The following ABCA4 variants were observed in gnomAD, a reference collection of about 807,000 sequenced individuals.
ABCA4 encodes ATP binding cassette subfamily A member 4.
ABCA4 carries 196 observed loss-of-function variants against 263.7 expected under a neutral mutation model. That is an observed-to-expected ratio of 0.74 (90% confidence interval 0.66 to 0.84). The LOEUF (loss-of-function observed/expected upper bound fraction) is 0.84, where lower values mean the gene tolerates loss of function less well. Among genes scored for constraint, ABCA4 ranks in the 40% least tolerant of loss-of-function variants. The pLI is 0.00. For missense variants in ABCA4, 2,792 were observed against 2,855.1 expected (o/e 0.98, Z 0.50); for synonymous variants, 1,133 against 1,094.2 (o/e 1.04, Z -0.70).
chr1:94,034,503 G>A (rs757720428), intron 26 of ABCA4, among the ~76,000 whole-genome samples: 2 of 151,876 alleles, frequency 1.3e-5, no homozygotes, highest in African/African-American at 2.4e-5. Context: ...TCCATGCCAC[G>A]CATTGTGTGA....
At chr1:94,028,255 G>A (rs1660090204) in intron 30 of ABCA4, among the ~76,000 whole-genome samples, 1 of 152,116 alleles carries the variant, frequency 6.6e-6, no homozygotes, top group South Asian at 2.1e-4. Context: ...GCTGTCTAAG[G>A]CCCAGCCCTG....
At chr1:94,062,482 A>G in intron 13 of ABCA4, 95 bp downstream of exon 13, 2 of 1,491,158 alleles carry the variant, frequency 1.3e-6, no homozygotes, top group Non-Finnish European at 1.8e-6. Flanking sequence ...CTCTCTAAAG[A>G]CATGGAAGCC....
At chr1:93,993,916 G>C (rs2100983146) in intron 49 of ABCA4, among the ~76,000 whole-genome samples, 1 of 152,202 alleles carries the variant, frequency 6.6e-6, no homozygotes, top group East Asian at 1.9e-4. Context: ...ACTGGACAAA[G>C]GCCTGACCAG....
intron 1 of ABCA4, among the ~76,000 whole-genome samples, chr1:94,116,133 G>A (rs1398870426): frequency 3.3e-5 from 5 of 152,180 alleles, no homozygotes; most frequent in African/African-American, 4.8e-5. Context: ...ACAAGGCACG[G>A]TGACTTAAAG....
chr1:94,018,151 A>G (rs935463601), intron 36 of ABCA4, among the ~76,000 whole-genome samples: 4 of 152,164 alleles, frequency 2.6e-5, no homozygotes, highest in African/African-American at 7.2e-5. Context: ...TCCTAGCTAC[A>G]TCTCTCTCCA....
intron 14 of ABCA4, chr1:94,059,764 A>G (rs1452633795): frequency 6.6e-6 from 1 of 152,460 alleles, no homozygotes; most frequent in African/African-American, 2.4e-5. Context: ...TAAAATATAA[A>G]AAATGACCTA....
chr1:94,054,361 C>G (rs567460647), intron 16 of ABCA4, among the ~76,000 whole-genome samples: 1 of 152,208 alleles, frequency 6.6e-6, no homozygotes, highest in African/African-American at 2.4e-5. Context: ...GAAGAATGTT[C>G]CCCAAAATAA....
At chr1:93,998,161 A>G in intron 47 of ABCA4, 51 bp from the exon 48 acceptor site, 1 of 1,613,190 alleles carries the variant, frequency 6.2e-7, no homozygotes, top group Non-Finnish European at 8.5e-7. Context: ...GTTGGGCCTA[A>G]GGTAATCCCA....
At chr1:94,112,049 A>T (rs1662621350) in intron 2 of ABCA4, among the ~76,000 whole-genome samples, 1 of 152,210 alleles carries the variant, frequency 6.6e-6, no homozygotes, top group African/African-American at 2.4e-5. Context: ...CAGGAGGCTG[A>T]TTCAGAACTG....
chr1:94,065,063 A>G (rs1004875388), intron 11 of ABCA4, among the ~76,000 whole-genome samples: 3 of 152,082 alleles, frequency 2.0e-5, no homozygotes, highest in South Asian at 2.1e-4. Flanking sequence ...TGAGCTTTAT[A>G]AAGTATCTTA....
chr1:94,021,631 G>A lies in ABCA4; in HGVS notation c.4848+9C>T, dbSNP rs1000541551. ...TAGCTCCAGAGCAGATTATACATAG[G>A]TCAAGTACCTTAATGTTGTCTTCAG... is the stretch of plus-strand genomic sequence containing the variant. On this transcript the variant is annotated intron_variant, in intron 34 of 49. Transcript: ENST00000370225. 3 of 1,608,032 alleles carry A rather than the reference G, an allele frequency of 1.9e-6. No homozygotes were observed. Among genetic ancestry groups the A allele is most frequent in the Non-Finnish European group, 1.7e-6 (2 of 1,175,828 alleles).
intron 28 of ABCA4, among the ~76,000 whole-genome samples, 163 bp from the exon 29 acceptor site, chr1:94,030,689 G>A (rs974886768): frequency 6.6e-6 from 1 of 152,190 alleles, no homozygotes; most frequent in Non-Finnish European, 1.5e-5. Context: ...TAGGCTGCCT[G>A]AACACTCGCA....
intron 30 of ABCA4, among the ~76,000 whole-genome samples, chr1:94,025,951 A>T (rs1435798295): frequency 6.6e-6 from 1 of 152,248 alleles, no homozygotes; most frequent in Non-Finnish European, 1.5e-5. Context: ...GAATTTGAAT[A>T]GTTCCTTACA....
At chr1:94,070,650 A>G (rs1392931815) in intron 11 of ABCA4, among the ~76,000 whole-genome samples, 1 of 152,206 alleles carries the variant, frequency 6.6e-6, no homozygotes, top group African/African-American at 2.4e-5. Flanking sequence ...TAAACAAATC[A>G]TGATCAAGGG....
chr1:94,080,832 A>G (rs1159029170), intron 7 of ABCA4, 114 bp from the exon 8 acceptor site: 3 of 1,469,184 alleles, frequency 2.0e-6, no homozygotes, highest in African/African-American at 2.8e-5. Context: ...AAACATCCAT[A>G]TATTCTCAGC....
In ABCA4 at chr1:94,010,697, T is replaced by C. The variant is rs952638888; in HGVS notation, c.5714+103A>G. On this transcript the variant is annotated intron_variant, in intron 40 of 49. Coordinates refer to ENST00000370225, the MANE Select transcript of ABCA4 (RefSeq NM_000350.3). ...AGGCTTTGAGAATGTAGAAAAAACATTGTGGAGTGGGGCTCCTGAGGAAAG... is the reference window on the plus strand; with the variant it reads ...AGGCTTTGAGAATGTAGAAAAAACACTGTGGAGTGGGGCTCCTGAGGAAAG... The C allele has an allele frequency of 7.1e-6, 11 of 1,542,484 alleles. No homozygotes were observed. The highest frequency in any genetic ancestry group is 1.7e-5 in the Admixed American group (1 of 58,710).
At chr1:94,055,473 G>A (rs1199208209) in intron 15 of ABCA4, among the ~76,000 whole-genome samples, 158 bp from the exon 16 acceptor site, 3 of 152,186 alleles carry the variant, frequency 2.0e-5, no homozygotes, top group African/African-American at 7.2e-5. Context: ...TCTTTCCCTT[G>A]ACGGCCAGGG....
intron 6 of ABCA4, among the ~76,000 whole-genome samples, chr1:94,094,836 C>T (rs1417313827): frequency 2.0e-5 from 3 of 152,154 alleles, no homozygotes; most frequent in Admixed American, 6.5e-5. Flanking sequence ...GTCCCAACCT[C>T]TCACCCGAAA....
intron 1 of ABCA4, among the ~76,000 whole-genome samples, chr1:94,119,022 T>C (rs1383058593): frequency 6.6e-6 from 1 of 152,104 alleles, no homozygotes; most frequent in Non-Finnish European, 1.5e-5. Flanking sequence ...CAATGGCATA[T>C]TGGATTTTCC....
Sources: gnomAD v4.1 joint callset for allele counts (sites outside exome capture counted in the v4.1 genomes callset) on GRCh38, gnomAD v4.1.1 for gene constraint, MANE v1.5 for transcripts, NCBI Gene and HGNC (gene_info 2026-07-23, HGNC 2026-07-21) for gene names.